The following KCTD16 variants were observed in gnomAD, a reference collection of about 807,000 sequenced individuals.
KCTD16 encodes the protein potassium channel tetramerization domain containing 16.
KCTD16 carries 13 observed loss-of-function variants against 33.2 expected under a neutral mutation model. The observed-to-expected ratio is 0.39, with a 90% CI of 0.25 to 0.62. The LOEUF (loss-of-function observed/expected upper bound fraction) is 0.62. Ranked by LOEUF, KCTD16 falls within the 20% of genes least tolerant of loss-of-function variation. The probability of loss-of-function intolerance (pLI) is 0.50; values close to 1 mark genes in which losing one functional copy is unlikely to be tolerated. For synonymous variants in KCTD16, 197 were observed against 195.3 expected, an observed-to-expected ratio of 1.01 and a Z score of -0.07; for missense variants, 441 against 525.1, an observed-to-expected ratio of 0.84 and a Z score of 1.57.
chr5:144,333,426 G>T (rs1251122055), intron 3 of KCTD16, among the ~76,000 whole-genome samples: 3 of 152,246 alleles, frequency 2.0e-5, no homozygotes, highest in African/African-American at 7.2e-5. Context: ...ATGCTGAAAA[G>T]AATCCACCCA....
At position 144,455,468 on chromosome 5, in the gene KCTD16, G is replaced by A. The variant is rs891752004; in HGVS notation, c.833-18192G>A. On this transcript the variant is annotated intron_variant, in intron 3 of 3. Coordinates refer to ENST00000512467, the MANE Select transcript of KCTD16 (RefSeq NM_020768.4). ...CAGATAATTTGGGAACCAAGAGAAA[G>A]TGGAGTGGAAAAGTCAAAGAAGAAA... Among the ~76,000 whole-genome samples the A allele has an allele frequency of 8.5e-5, 13 of 152,208 alleles. No individual in the cohort carries two copies. The East Asian group carries it at 2.5e-3, about 29-fold the overall frequency.
chr5:144,306,879 C>A (rs1373485053), intron 3 of KCTD16, among the ~76,000 whole-genome samples: 2 of 152,204 alleles, frequency 1.3e-5, no homozygotes, highest in East Asian at 3.8e-4. Context: ...TACTGTGGGA[C>A]AACACGTTCA....
intron 3 of KCTD16, among the ~76,000 whole-genome samples, chr5:144,343,321 C>A (rs1408681272): frequency 2.6e-5 from 4 of 151,788 alleles, no homozygotes; most frequent in Admixed American, 2.6e-4. Flanking sequence ...GTGTATGTGT[C>A]GAGGAATTTA....
chr5:144,270,376 AATGACAG>A (rs1323577003), intron 3 of KCTD16, among the ~76,000 whole-genome samples: 1 of 151,964 alleles, frequency 6.6e-6, no homozygotes, highest in Non-Finnish European at 1.5e-5. Flanking sequence ...ATTAAAAATC[AATGACAG>A]AAGTAAAACT....
chr5:144,244,714 A>G (rs939224964), intron 3 of KCTD16, among the ~76,000 whole-genome samples: 5 of 152,154 alleles, frequency 3.3e-5, no homozygotes, highest in Admixed American at 1.3e-4. Flanking sequence ...AGTAGACCCA[A>G]TTCCTAGTTT....
intron 3 of KCTD16, among the ~76,000 whole-genome samples, chr5:144,238,773 T>C (rs1327779454): frequency 6.6e-6 from 1 of 152,208 alleles, no homozygotes; most frequent in Non-Finnish European, 1.5e-5. Flanking sequence ...TTGAGCTTTT[T>C]TGGCACATCC....
intron 3 of KCTD16, among the ~76,000 whole-genome samples, chr5:144,410,451 T>A (rs927192105): frequency 2.0e-5 from 3 of 152,194 alleles, no homozygotes; most frequent in Admixed American, 2.0e-4. Context: ...CTAGGATAAT[T>A]TCTGAGGACT....
At chr5:144,441,857 C>CAAA (rs762797316) in intron 3 of KCTD16, among the ~76,000 whole-genome samples, 1 of 105,072 alleles carries the variant, frequency 9.5e-6, no homozygotes, top group African/African-American at 3.3e-5. Context: ...ACAATTTCTG[C>CAAA]AAAAAAAAAA....
At chr5:144,353,449 A>G (rs1751492965) in intron 3 of KCTD16, among the ~76,000 whole-genome samples, 2 of 152,188 alleles carry the variant, frequency 1.3e-5, no homozygotes, top group Non-Finnish European at 1.5e-5. Context: ...AACCAGCTAT[A>G]GACTCAGCCT....
chr5:144,212,417 A>G (rs894229383), intron 3 of KCTD16, among the ~76,000 whole-genome samples: 3 of 152,156 alleles, frequency 2.0e-5, no homozygotes, highest in Non-Finnish European at 4.4e-5. Flanking sequence ...GAATTGTGTC[A>G]ATGTATGGGT....
intron 3 of KCTD16, among the ~76,000 whole-genome samples, chr5:144,421,102 C>A (rs1753198425): frequency 6.6e-6 from 1 of 152,116 alleles, no homozygotes; most frequent in African/African-American, 2.4e-5. Context: ...ATGTGACAGG[C>A]CACAGGGCAA....
At chr5:144,469,265 G>C (rs937591267) in intron 3 of KCTD16, among the ~76,000 whole-genome samples, 6 of 152,098 alleles carry the variant, frequency 3.9e-5, no homozygotes, top group Non-Finnish European at 8.8e-5. Flanking sequence ...AACATCCTCT[G>C]TTCACACACC....
At chr5:144,355,956 T>C (rs1384489611) in intron 3 of KCTD16, among the ~76,000 whole-genome samples, 2 of 152,186 alleles carry the variant, frequency 1.3e-5, no homozygotes, top group African/African-American at 4.8e-5. Context: ...TTCTGAGATA[T>C]TGAAAGGAGA....
At chr5:144,301,308 TG>T (rs1157959776) in intron 3 of KCTD16, among the ~76,000 whole-genome samples, 1 of 151,640 alleles carries the variant, frequency 6.6e-6, no homozygotes, top group Admixed American at 6.6e-5. Context: ...TGGAATGTTT[TG>T]GAAGGCAGTG....
At chr5:144,187,433 C>CAA (rs1448933325) in intron 2 of KCTD16, among the ~76,000 whole-genome samples, 2 of 152,048 alleles carry the variant, frequency 1.3e-5, no homozygotes, top group African/African-American at 4.8e-5. Context: ...TTCACACACA[C>CAA]ACACACACAC....
In KCTD16 at chr5:144,363,813, C is replaced by T. The variant is rs1026689922; in HGVS notation, c.833-109847C>T. 5.7e-4 allele frequency among the ~76,000 whole-genome samples: 87 copies of T among 152,194 alleles called. 1 individual carries two copies. The highest frequency in any genetic ancestry group is 2.0e-3 in the African/African-American group (82 of 41,442). On this transcript the variant is annotated intron_variant, in intron 3 of 3. Transcript: ENST00000512467. ...TGCTGGGAGAGCCACTGTCTTTTCC[C>T]TTGTCTTCTGCCTCTTTGAACCTCT... is the stretch of plus-strand genomic sequence containing the variant.
chr5:144,215,071 A>AAAT (rs1753517794), intron 3 of KCTD16, among the ~76,000 whole-genome samples: 1 of 152,146 alleles, frequency 6.6e-6, no homozygotes, highest in Non-Finnish European at 1.5e-5. Flanking sequence ...TTGATGCTTT[A>AAAT]AATAATAATA....
At chr5:144,402,673 T>A (rs1325741390) in intron 3 of KCTD16, among the ~76,000 whole-genome samples, 1 of 152,168 alleles carries the variant, frequency 6.6e-6, no homozygotes, top group Non-Finnish European at 1.5e-5. Flanking sequence ...GTAACCTAAT[T>A]GCTACAGATT....
intron 3 of KCTD16, among the ~76,000 whole-genome samples, chr5:144,312,490 T>C (rs1366593685): frequency 2.6e-5 from 4 of 152,226 alleles, no homozygotes; most frequent in African/African-American, 9.6e-5. Flanking sequence ...AAGCCAAGTC[T>C]ATTTTAAATT....
Sources: allele counts gnomAD v4.1 joint callset (sites outside exome capture counted in the v4.1 genomes callset), GRCh38; gene constraint gnomAD v4.1.1; transcripts MANE v1.5; gene names NCBI Gene and HGNC (gene_info 2026-07-23, HGNC 2026-07-21).